Variants in MFHAS1 observed in about 807,000 individuals in gnomAD.
The protein encoded by MFHAS1 is multifunctional ROCO family signaling regulator 1.
A neutral mutation model predicts 70.4 loss-of-function variants in MFHAS1; 50 were observed. The observed-to-expected ratio is 0.71, with a 90% confidence interval of 0.57 to 0.90. The LOEUF is 0.90. Ranked by LOEUF, MFHAS1 falls within the 40% of genes least tolerant of loss-of-function variation. The pLI is 0.00. For synonymous variants in MFHAS1, 952 were observed against 620.0 expected (o/e 1.54, Z -7.96); for missense variants, 1,795 against 1,347.6 (o/e 1.33, Z -5.20).
Position 8,892,390 on chromosome 8 carries a change from G to A in MFHAS1, c.669C>T (p.Ile223=), listed in dbSNP as rs773509301. Residue 223 remains isoleucine, a synonymous_variant, in exon 1 of 3, where the codon ATC becomes ATT. Transcript: ENST00000276282. This position sits in a 1 kb window ranked among gnomAD's most constrained non-coding sequence, Gnocchi z 4.7. Reference sequence around the variant, plus strand: ...GGATCTTGAGGGCACGCAGGGCACTGATATCCTCAGGCAGGCCCCGCAGCC... The same window carrying A: ...GGATCTTGAGGGCACGCAGGGCACTAATATCCTCAGGCAGGCCCCGCAGCC... ...SNRLRGLPED[I]SALRALKILW... 6.2e-6 allele frequency: 10 copies of A among 1,612,792 alleles called. No homozygotes were observed. In the South Asian group the frequency reaches 7.7e-5, roughly 12 times the overall value.
At chr8:8,813,590 T>A (rs1031544542) in intron 1 of MFHAS1, among the ~76,000 whole-genome samples, 1 of 152,086 alleles carries the variant, frequency 6.6e-6, no homozygotes, top group Non-Finnish European at 1.5e-5. Context: ...TAAAAAACTA[T>A]AAAATTTAAA....
intron 1 of MFHAS1, among the ~76,000 whole-genome samples, chr8:8,854,307 G>T (rs1035887219): frequency 1.3e-5 from 2 of 152,114 alleles, no homozygotes; most frequent in African/African-American, 4.8e-5. Context: ...TCAAGAAGAG[G>T]TCAGGAGATC....
At chr8:8,823,076 C>A (rs1395163554) in intron 1 of MFHAS1, among the ~76,000 whole-genome samples, 1 of 152,166 alleles carries the variant, frequency 6.6e-6, no homozygotes, top group East Asian at 1.9e-4. Context: ...TACAGAGATT[C>A]TCTTCCCCAT....
At position 8,890,236 on chromosome 8, in the gene MFHAS1, C is replaced by A; in HGVS notation, c.2823G>T (p.Leu941=). ...PARGVLQPDT[L]SIASHASLPN... ...GTAATGATGCATGGCTAGCAATGGA[C>A]AGGGTGTCTGGCTGCAGGACTCCCC... Residue 941 remains leucine (L), a synonymous_variant, in exon 1 of 3, where the codon CTG becomes CTT. Transcript: ENST00000276282. 6.2e-7 allele frequency: 1 copy of A among 1,614,118 alleles called. No individual in the cohort carries two copies. Among genetic ancestry groups the A allele is most frequent in the Non-Finnish European group, 8.5e-7 (1 of 1,180,008 alleles).
In MFHAS1 at chr8:8,891,835, G is replaced by A; in HGVS notation, c.1224C>T (p.Pro408=). The change falls in exon 1 of 3, where the codon CCC becomes CCT. Residue 408 remains proline, a synonymous_variant. Coordinates refer to ENST00000276282, the MANE Select transcript of MFHAS1 (RefSeq NM_004225.3). This position sits in a 1 kb window ranked among gnomAD's most constrained non-coding sequence, Gnocchi z 5.4. ...GCCCCATCAGGAGCAGCTTGAGCCG[G>A]GGCTGCACCGCCGGCTGGGAATGAG... ...ELAHSQPAVQ[P]RLKLLLMGHK... is the part of the protein sequence containing the mutation. 1 of 1,613,022 alleles carries A rather than the reference G, an allele frequency of 6.2e-7. No individual in the cohort carries two copies. The highest frequency in any genetic ancestry group is 8.5e-7 in the Non-Finnish European group (1 of 1,179,884).
chr8:8,825,818 T>C (rs887074715), intron 1 of MFHAS1, among the ~76,000 whole-genome samples: 2 of 152,214 alleles, frequency 1.3e-5, no homozygotes, highest in African/African-American at 4.8e-5. Flanking sequence ...TAAGAACCTG[T>C]TTAAAATCCT....
Position 8,890,595 on chromosome 8 carries a change from C to G in MFHAS1, c.2464G>C (p.Glu822Gln), listed in dbSNP as rs770102498. 1 of 1,613,868 alleles carries G rather than the reference C, an allele frequency of 6.2e-7. No homozygotes were observed. The highest frequency in any genetic ancestry group is 2.2e-5 in the East Asian group (1 of 44,890). Residue 822 changes from glutamate (E) to glutamine (Q), a missense_variant, in exon 1 of 3, where the codon GAG becomes CAG. Coordinates refer to ENST00000276282, the MANE Select transcript of MFHAS1 (RefSeq NM_004225.3). The part of the protein sequence containing the change: ...QAQQDLQLLL[E>Q]LLEKMGLCYC... ...CAGAGTCCCATCTTCTCCAGCAGCTCCAGCAACAGCTGCAAGTCCTGCTGG... is the reference window on the plus strand; with the variant it reads ...CAGAGTCCCATCTTCTCCAGCAGCTGCAGCAACAGCTGCAAGTCCTGCTGG...
At chr8:8,889,026 T>C (rs1809881886) in intron 1 of MFHAS1, among the ~76,000 whole-genome samples, 2 of 117,596 alleles carry the variant, frequency 1.7e-5, no homozygotes, top group Non-Finnish European at 3.7e-5. Flanking sequence ...AAAAAAAAAG[T>C]CTTCAAAAAA....
chr8:8,809,555 C>T (rs1053875688), intron 1 of MFHAS1, among the ~76,000 whole-genome samples: 9 of 152,310 alleles, frequency 5.9e-5, no homozygotes, highest in East Asian at 1.9e-4. Context: ...TCCCTGCAGA[C>T]GCGTGTGCCA....
At chr8:8,811,200 C>T (rs1806534469) in intron 1 of MFHAS1, among the ~76,000 whole-genome samples, 1 of 152,112 alleles carries the variant, frequency 6.6e-6, no homozygotes, top group Non-Finnish European at 1.5e-5. Flanking sequence ...CCATTTGAAA[C>T]CCACAGCATC....
At chr8:8,825,806 A>G (rs1198308585) in intron 1 of MFHAS1, among the ~76,000 whole-genome samples, 1 of 152,218 alleles carries the variant, frequency 6.6e-6, no homozygotes, top group African/African-American at 2.4e-5. Flanking sequence ...ACAAAGGCTA[A>G]GTAAGAACCT....
rs1809931563 is a variant in MFHAS1, at chr8:8,890,151, G to A, written c.2908C>T (p.Leu970Phe). ...TPLVEELNVL[L>F]QEWPGLHYTV... is the part of the protein sequence containing the mutation. ...TAGTGCAGTCCAGGCCATTCCTGAA[G>A]TAGGACATTCAGTTCCTCCACCAAG... Residue 970 changes from leucine (L) to phenylalanine (F), a missense_variant, in exon 1 of 3, where the codon CTT becomes TTT. Coordinates refer to ENST00000276282, the MANE Select transcript of MFHAS1 (RefSeq NM_004225.3). The A allele has an allele frequency of 6.2e-6, 10 of 1,614,090 alleles. No homozygotes were observed. Among genetic ancestry groups the A allele is most frequent in the Admixed American group, 1.7e-5 (1 of 60,006 alleles).
intron 1 of MFHAS1, among the ~76,000 whole-genome samples, chr8:8,828,115 C>T (rs749869257): frequency 2.0e-5 from 3 of 152,152 alleles, no homozygotes; most frequent in Non-Finnish European, 4.4e-5. Flanking sequence ...AGGACTCTGA[C>T]ATATGCCCTA....
chr8:8,833,465 C>CA (rs1807484820), intron 1 of MFHAS1, among the ~76,000 whole-genome samples: 3 of 151,748 alleles, frequency 2.0e-5, no homozygotes, highest in Admixed American at 1.3e-4. Flanking sequence ...CCCATGTCTA[C>CA]AAAAAAATTA....
chr8:8,810,147 G>A (rs1023619180), intron 1 of MFHAS1, among the ~76,000 whole-genome samples: 8 of 152,162 alleles, frequency 5.3e-5, no homozygotes, highest in African/African-American at 1.7e-4. Context: ...CGGGCAGATT[G>A]CTTGAGACCA....
At position 8,826,138 on chromosome 8, in the gene MFHAS1, T is replaced by G. The variant is rs148315526; in HGVS notation, c.2999-28647A>C. On this transcript the variant is annotated intron_variant, in intron 1 of 2. Coordinates refer to ENST00000276282, the MANE Select transcript of MFHAS1 (RefSeq NM_004225.3). The stretch of plus-strand genomic sequence containing the variant: ...ATTTGCAGGAAAGAACACTATAAAG[T>G]GAAAAATAAATGTCCACCTTCCTCC... Among the ~76,000 whole-genome samples the G allele has an allele frequency of 3.5e-3, 533 of 152,086 alleles. 2 individuals are homozygous for G. Among genetic ancestry groups the G allele is most frequent in the African/African-American group, 0.012 (510 of 41,476 alleles).
intron 1 of MFHAS1, among the ~76,000 whole-genome samples, chr8:8,838,588 G>T (rs974846120): frequency 6.6e-6 from 1 of 152,006 alleles, no homozygotes; most frequent in East Asian, 1.9e-4. Flanking sequence ...AGAGGCGGGC[G>T]GATCACCTGA....
intron 2 of MFHAS1, among the ~76,000 whole-genome samples, chr8:8,788,736 T>C (rs12682352): frequency 0.49 from 74,353 of 152,082 alleles, 19,117 homozygotes; most frequent in East Asian, 0.86. Context: ...TGGTTACAGT[T>C]AGGATGGTTA....
intron 1 of MFHAS1, among the ~76,000 whole-genome samples, chr8:8,859,170 T>C (rs935141052): frequency 2.0e-4 from 30 of 152,148 alleles, no homozygotes; most frequent in African/African-American, 7.2e-4. Context: ...CTGGCCAACA[T>C]GGCGAAACCC....
Sources: allele counts gnomAD v4.1 joint callset (sites outside exome capture counted in the v4.1 genomes callset), GRCh38; gene constraint gnomAD v4.1.1; non-coding constraint Gnocchi (gnomAD v3.1); transcripts MANE v1.5; gene names NCBI Gene and HGNC (gene_info 2026-07-23, HGNC 2026-07-21).